Variants in BPTF observed in about 807,000 individuals in gnomAD.
BPTF encodes the protein bromodomain PHD finger transcription factor, also known as nucleosome-remodeling factor subunit BPTF.
Under a neutral mutation model 292.5 loss-of-function variants are expected in BPTF, and 18 were observed. That is an observed-to-expected ratio of 0.06 (90% CI 0.04 to 0.09). The LOEUF (loss-of-function observed/expected upper bound fraction) is 0.09, where lower values mean the gene tolerates loss of function less well. Among genes scored for constraint, BPTF ranks in the 10% least tolerant of loss-of-function variants. The pLI, the probability that BPTF is intolerant of heterozygous loss-of-function variation, is 1.00. For synonymous variants in BPTF, 1,225 were observed against 1,251.9 expected (o/e 0.98, Z 0.45); for missense variants, 2,726 against 3,498.7 (o/e 0.78, Z 5.57).
In BPTF at chr17:67,984,182, T is replaced by G. The variant is rs2070675523; in HGVS notation, c.*1894T>G. 1 of 152,572 alleles carries G rather than the reference T, an allele frequency of 6.6e-6. No homozygotes were observed. The highest frequency in any genetic ancestry group is 2.4e-5 in the African/African-American group (1 of 41,438). The allele number at this position is 152,572 out of a possible 1,614,324, so 9.5% of individuals were successfully genotyped here. A position where few individuals can be genotyped will look rare whatever the true frequency, so the allele number is the denominator to read the frequency against. Reference sequence around the variant, plus strand: ...TTCTGCATCTCATCACGTCACAGTATTTCTGTACTATTTATTCATATATAT... The same window carrying G: ...TTCTGCATCTCATCACGTCACAGTAGTTCTGTACTATTTATTCATATATAT... On this transcript the variant is annotated 3_prime_UTR_variant, in exon 28 of 28. Coordinates refer to ENST00000306378, the MANE Select transcript of BPTF (RefSeq NM_182641.4).
At chr17:67,897,758 G>A (rs954711945) in intron 7 of BPTF, among the ~76,000 whole-genome samples, 40 of 152,094 alleles carry the variant, frequency 2.6e-4, no homozygotes, top group Non-Finnish European at 7.4e-5. Context: ...CTTAAATTTC[G>A]AGAACCAGAT....
intron 18 of BPTF, among the ~76,000 whole-genome samples, chr17:67,933,441 C>T (rs1319453810): frequency 1.3e-5 from 2 of 151,560 alleles, no homozygotes; most frequent in African/African-American, 2.4e-5. Flanking sequence ...TCCTGGAGCA[C>T]GCCTGTAGTC....
chr17:67,844,763 G>A (rs2057906090), intron 1 of BPTF, among the ~76,000 whole-genome samples: 1 of 151,282 alleles, frequency 6.6e-6, no homozygotes, highest in African/African-American at 2.4e-5. Context: ...TTTTTTTTGA[G>A]ACGGAGTTTC....
At chr17:67,951,147 T>G (rs1184767861) in intron 23 of BPTF, 1 of 152,142 alleles carries the variant, frequency 6.6e-6, no homozygotes, top group Non-Finnish European at 1.5e-5. Context: ...TACATAGTCA[T>G]TAATGATTAC....
chr17:67,931,325 T>C (rs1340338152), intron 17 of BPTF, among the ~76,000 whole-genome samples: 11 of 152,070 alleles, frequency 7.2e-5, no homozygotes, highest in Admixed American at 7.2e-4. Flanking sequence ...AATGAATGAT[T>C]AGCCGGACAT....
chr17:67,944,541 A>G (rs2065647139), intron 20 of BPTF, 169 bp downstream of exon 20: 2 of 681,464 alleles, frequency 2.9e-6, no homozygotes, highest in African/African-American at 3.6e-5. Flanking sequence ...TTTGTACCCT[A>G]TTCTTACAGA....
At chr17:67,974,764 C>G (rs1401749862) in intron 26 of BPTF, 1 of 152,328 alleles carries the variant, frequency 6.6e-6, no homozygotes, top group African/African-American at 2.4e-5. Flanking sequence ...GGTGTGGAGT[C>G]TCCCATGCCC....
intron 4 of BPTF, among the ~76,000 whole-genome samples, chr17:67,888,822 C>T (rs910703018): frequency 1.3e-5 from 2 of 152,088 alleles, no homozygotes; most frequent in African/African-American, 4.8e-5. Flanking sequence ...TCTGTTTTAC[C>T]TGCCTAGTTC....
At chr17:67,965,193 A>C (rs1422468820) in intron 25 of BPTF, 4 of 151,420 alleles carry the variant, frequency 2.6e-5, no homozygotes, top group African/African-American at 9.7e-5. Flanking sequence ...AATACAAAAA[A>C]TTAGCCAGGT....
In BPTF at chr17:67,911,408, C is replaced by T; in HGVS notation, c.3524C>T (p.Pro1175Leu). Reference protein sequence around the residue: ...RVLDDVSIRSPETKCPKQNSI... With the variant: ...RVLDDVSIRSLETKCPKQNSI... ...TTAGATGATGTCTCCATTCGGAGCC[C>T]AGAAACAAAATGTCCGAAACAAAAT... The change falls in exon 11 of 28, where the codon CCA (proline) becomes CTA (leucine). Residue 1175 changes from proline (P) to leucine (L), a missense_variant. This residue lies in a region of BPTF where 713 missense variants were observed against 714.9 expected (regional missense o/e 1.00). Transcript: ENST00000306378. 3 of 1,613,976 alleles carry T rather than the reference C, an allele frequency of 1.9e-6. No homozygotes were observed. The East Asian group carries it at 6.7e-5, about 36-fold the overall frequency.
At chr17:67,899,361 G>T (rs946605003) in intron 7 of BPTF, among the ~76,000 whole-genome samples, 6 of 152,010 alleles carry the variant, frequency 3.9e-5, no homozygotes, top group African/African-American at 1.5e-4. Flanking sequence ...ATCTTCCAGG[G>T]TTTGCTCATG....
intron 1 of BPTF, among the ~76,000 whole-genome samples, chr17:67,837,610 A>G (rs1206137006): frequency 2.0e-5 from 3 of 152,126 alleles, no homozygotes; most frequent in Admixed American, 6.5e-5. Context: ...GGGTTTCACC[A>G]TGTTGGCCAG....
chr17:67,943,902 G>A (rs1391550256), intron 19 of BPTF, among the ~76,000 whole-genome samples: 1 of 152,160 alleles, frequency 6.6e-6, no homozygotes, highest in Non-Finnish European at 1.5e-5. Context: ...GAGGAACAGT[G>A]TTGCTTGTGG....
intron 5 of BPTF, 124 bp downstream of exon 5, chr17:67,892,158 C>CGAA (rs1225316515): frequency 1.3e-6 from 1 of 773,396 alleles, no homozygotes; most frequent in African/African-American, 1.8e-5. Context: ...TATATTTTCT[C>CGAA]TGTTTCCGAA....
At chr17:67,976,697 A>T (rs868939940) in intron 27 of BPTF, among the ~76,000 whole-genome samples, 10 of 128,430 alleles carry the variant, frequency 7.8e-5, no homozygotes, top group Admixed American at 1.7e-4. Context: ...AAAAAAAAAA[A>T]AAAAAAAAAA....
rs2062633668 is a variant in BPTF, at chr17:67,911,258, G to C, written c.3374G>C (p.Ser1125Thr). 6.2e-7 allele frequency: 1 copy of C among 1,614,002 alleles called. No homozygotes were observed. The highest frequency in any genetic ancestry group is 8.5e-7 in the Non-Finnish European group (1 of 1,179,998). ...CQSDSMRQEQ[S>T]PNANNDQPED... ...AGTGACTCGATGAGACAAGAACAGA[G>C]CCCAAATGCAAATAATGATCAACCT... Residue 1125 changes from serine to threonine, a missense_variant, in exon 11 of 28, where the codon AGC becomes ACC. Physicochemically the swap from Ser to Thr is moderately conservative, Grantham distance 58. Coordinates refer to ENST00000306378, the MANE Select transcript of BPTF (RefSeq NM_182641.4).
At chr17:67,932,367 A>G (rs1021238312) in intron 18 of BPTF, among the ~76,000 whole-genome samples, 1 of 152,214 alleles carries the variant, frequency 6.6e-6, no homozygotes, top group African/African-American at 2.4e-5. Flanking sequence ...ATGTTCATTT[A>G]TTACTCTTAA....
chr17:67,940,711 G>A (rs1555671595), intron 19 of BPTF, 55 bp downstream of exon 19: 4 of 1,540,580 alleles, frequency 2.6e-6, no homozygotes, highest in Non-Finnish European at 3.6e-6. Context: ...TATTCTTGCG[G>A]TAAGTTTAAA....
chr17:67,892,159 T>A (rs2061158941), intron 5 of BPTF, 125 bp downstream of exon 5: 1 of 774,404 alleles, frequency 1.3e-6, no homozygotes, highest in Admixed American at 3.6e-5. Flanking sequence ...ATATTTTCTC[T>A]GTTTCCGAAA....
Sources: gnomAD v4.1 joint callset for allele counts (sites outside exome capture counted in the v4.1 genomes callset) on GRCh38, gnomAD v4.1.1 for gene constraint, gnomAD v4.1.1 regional missense constraint, MANE v1.5 for transcripts, NCBI Gene and HGNC (gene_info 2026-07-23, HGNC 2026-07-21) for gene names.